The following AGMO variants were observed in gnomAD, a reference collection of about 807,000 sequenced individuals.
The protein encoded by AGMO is glyceryl-ether monooxygenase.
AGMO carries 75 observed loss-of-function variants against 60.2 expected under a neutral mutation model. That is an observed-to-expected ratio of 1.25 (90% CI 1.03 to 1.51). AGMO has a LOEUF of 1.51. AGMO is among the 40% of genes most tolerant of loss of function. The probability of loss-of-function intolerance (pLI) is 0.00; values close to 1 mark genes in which losing one functional copy is unlikely to be tolerated. For synonymous variants in AGMO, 261 were observed against 177.1 expected, an observed-to-expected ratio of 1.47 and a Z score of -3.76; for missense variants, 763 against 525.5, an observed-to-expected ratio of 1.45 and a Z score of -4.42.
intron 3 of AGMO, among the ~76,000 whole-genome samples, chr7:15,529,637 T>TATATAGTATATATATTCTATATATAGA (rs1583650850): frequency 2.8e-5 from 1 of 35,156 alleles, no homozygotes; most frequent in African/African-American, 1.4e-4. Context: ...ATATAGAATA[T>TATATAGTATATATATTCTATATATAGA]ATATATATAC....
At chr7:15,212,247 TACACACAC>T (rs57236152) in intron 12 of AGMO, among the ~76,000 whole-genome samples, 3,476 of 146,350 alleles carry the variant, frequency 0.024, 82 homozygotes, top group African/African-American at 0.072. Context: ...AGGTGTGGAG[TACACACAC>T]ACACACACAC....
intron 12 of AGMO, among the ~76,000 whole-genome samples, chr7:15,332,662 T>C (rs928113570): frequency 2.6e-5 from 4 of 152,058 alleles, no homozygotes; most frequent in African/African-American, 9.7e-5. Flanking sequence ...ATAATTAATA[T>C]GAAATGAGAT....
At chr7:15,392,771 C>T (rs1334095951) in intron 6 of AGMO, among the ~76,000 whole-genome samples, 1 of 151,764 alleles carries the variant, frequency 6.6e-6, no homozygotes, top group African/African-American at 2.4e-5. Flanking sequence ...TACACTCCAG[C>T]CTGGGCGACA....
intron 12 of AGMO, among the ~76,000 whole-genome samples, chr7:15,328,892 G>C (rs1234952795): frequency 2.0e-5 from 3 of 151,744 alleles, no homozygotes; most frequent in African/African-American, 7.3e-5. Flanking sequence ...TTTCTTTCCT[G>C]AACACACTCA....
chr7:15,325,323 A>T (rs1229208844), intron 12 of AGMO, among the ~76,000 whole-genome samples: 1 of 152,136 alleles, frequency 6.6e-6, no homozygotes, highest in Non-Finnish European at 1.5e-5. Context: ...TATCTAAATA[A>T]TTATATATTA....
intron 3 of AGMO, among the ~76,000 whole-genome samples, chr7:15,433,403 C>T (rs1781311049): frequency 6.6e-6 from 1 of 151,562 alleles, no homozygotes; most frequent in South Asian, 2.1e-4. Context: ...CAGCATCCTA[C>T]TGCCTCACCT....
At chr7:15,135,953 A>G in the AGMO span, among the ~76,000 whole-genome samples, 1 of 139,686 alleles carries the variant, frequency 7.2e-6, no homozygotes, top group Admixed American at 7.1e-5. Flanking sequence ...GTTTTTCTCA[A>G]CATTTAATAT....
chr7:15,193,849 C>G, the AGMO span, among the ~76,000 whole-genome samples: 1 of 152,120 alleles, frequency 6.6e-6, no homozygotes, highest in Non-Finnish European at 1.5e-5. Context: ...GCAAAACATA[C>G]TTTTATTTTG....
In AGMO at chr7:15,544,925, T is replaced by G; in HGVS notation, c.258-2A>C. The G allele has an allele frequency of 6.6e-7, 1 of 1,509,782 alleles. No homozygotes were observed. Among genetic ancestry groups the G allele is most frequent in the Non-Finnish European group, 8.9e-7 (1 of 1,124,530 alleles). The allele number at this position is 1,509,782 out of a possible 1,614,324, so 93.5% of individuals were successfully genotyped here. ...AGTTCAATGCTCCTGAAAAATAGAC[T>G]GGAAGATAAAATTCACAATCAGTGA... On this transcript the variant is annotated splice_acceptor_variant, in intron 2 of 12. Coordinates refer to ENST00000342526, the MANE Select transcript of AGMO (RefSeq NM_001004320.2). LOFTEE classifies it high-confidence loss of function.
At chr7:15,521,828 G>A (rs972888995) in intron 3 of AGMO, among the ~76,000 whole-genome samples, 2 of 152,164 alleles carry the variant, frequency 1.3e-5, no homozygotes, top group African/African-American at 4.8e-5. Flanking sequence ...ATTCAACATA[G>A]AAATGGAAGT....
chr7:15,530,818 CATTTCTATATATATTCTATATATATAT>C (rs1784296649), intron 3 of AGMO, among the ~76,000 whole-genome samples: 2 of 89,164 alleles, frequency 2.2e-5, no homozygotes, highest in South Asian at 6.2e-4. Flanking sequence ...TCTATATATA[CATTTCTATATATATTCTATATATATAT>C]ATTCTATATA....
At chr7:15,189,668 C>G in the AGMO span, among the ~76,000 whole-genome samples, 5 of 152,002 alleles carry the variant, frequency 3.3e-5, no homozygotes, top group African/African-American at 1.2e-4. Context: ...CATCAAGACA[C>G]AAAGTTGTAT....
At chr7:15,202,082 T>C (rs1423830330) in intron 12 of AGMO, among the ~76,000 whole-genome samples, 1 of 152,054 alleles carries the variant, frequency 6.6e-6, no homozygotes, top group East Asian at 1.9e-4. Context: ...CCATTTTAGG[T>C]GGTTGGGTAA....
At chr7:15,173,108 A>G in the AGMO span, among the ~76,000 whole-genome samples, 1 of 152,166 alleles carries the variant, frequency 6.6e-6, no homozygotes, top group African/African-American at 2.4e-5. Context: ...TATTGAATAC[A>G]TTTATTGAAG....
At chr7:15,513,465 G>C (rs112592546) in intron 3 of AGMO, among the ~76,000 whole-genome samples, 23 of 152,230 alleles carry the variant, frequency 1.5e-4, no homozygotes, top group African/African-American at 5.5e-4. Context: ...TGGTGGGAGT[G>C]TGGGTGAGGT....
At chr7:15,423,422 T>G (rs1243475556) in intron 4 of AGMO, among the ~76,000 whole-genome samples, 1 of 152,250 alleles carries the variant, frequency 6.6e-6, no homozygotes, top group Non-Finnish European at 1.5e-5. Context: ...TATGCCTATT[T>G]TTCTGGTCCC....
At chr7:15,249,495 A>G (rs1020600685) in intron 12 of AGMO, among the ~76,000 whole-genome samples, 2 of 152,226 alleles carry the variant, frequency 1.3e-5, no homozygotes, top group Non-Finnish European at 2.9e-5. Flanking sequence ...CTGCTATCCC[A>G]TATCTCTTGT....
chr7:15,447,915 T>A (rs571268526), intron 3 of AGMO, among the ~76,000 whole-genome samples: 2 of 152,192 alleles, frequency 1.3e-5, no homozygotes, highest in Non-Finnish European at 2.9e-5. Flanking sequence ...CATGTACCTA[T>A]ATTCACAATA....
At chr7:15,141,913 T>C in the AGMO span, among the ~76,000 whole-genome samples, 1 of 152,206 alleles carries the variant, frequency 6.6e-6, no homozygotes, top group African/African-American at 2.4e-5. Context: ...AAAGAATATG[T>C]TTAAAAAATC....
Sources: gnomAD v4.1 joint callset for allele counts (sites outside exome capture counted in the v4.1 genomes callset) on GRCh38, gnomAD v4.1.1 for gene constraint, MANE v1.5 for transcripts, NCBI Gene and HGNC (gene_info 2026-07-23, HGNC 2026-07-21) for gene names.